The following PDCD11 variants were observed in gnomAD, a reference collection of about 807,000 sequenced individuals.
The protein encoded by PDCD11 is protein RRP5 homolog.
A neutral mutation model predicts 198.9 loss-of-function variants in PDCD11; 97 were observed. The ratio of observed to expected loss-of-function variants is 0.49; its 90% CI spans 0.41 to 0.58. The LOEUF (loss-of-function observed/expected upper bound fraction) is 0.58. Ranked by LOEUF, PDCD11 falls within the 20% of genes least tolerant of loss-of-function variation. The pLI is 0.00. For synonymous variants in PDCD11, 893 were observed against 918.0 expected (o/e 0.97, Z 0.49); for missense variants, 2,102 against 2,312.7 (o/e 0.91, Z 1.87).
intron 27 of PDCD11, 66 bp downstream of exon 27, chr10:103,438,874 C>T (rs1401522777): frequency 8.4e-6 from 13 of 1,556,164 alleles, no homozygotes; most frequent in Non-Finnish European, 1.1e-5. Context: ...CTCTGGGGTC[C>T]ACTGTGTTCC....
chr10:103,404,838 C>A (rs1215856077), intron 4 of PDCD11, among the ~76,000 whole-genome samples, 184 bp from the exon 5 acceptor site: 2 of 152,136 alleles, frequency 1.3e-5, no homozygotes, highest in East Asian at 3.8e-4. Context: ...AGGCCTTATG[C>A]TGAAATTCAA....
chr10:103,415,835 G>C (rs1374688657), intron 12 of PDCD11, among the ~76,000 whole-genome samples: 1 of 152,178 alleles, frequency 6.6e-6, no homozygotes, highest in Non-Finnish European at 1.5e-5. Context: ...TATGACAAAG[G>C]CTCGAATCCG....
In PDCD11 at chr10:103,425,445, C is replaced by T; in HGVS notation, c.3225C>T (p.Gly1075=). The part of the protein sequence containing the change: ...ASHILDDVPE[G]TSPTTKLKVG... ...ACATTCTAGATGATGTTCCAGAGGG[C>T]ACCTCTCCTACTACCAAGCTGAAGG... Residue 1075 remains glycine (G), a synonymous_variant, in exon 20 of 36, where the codon GGC becomes GGT. Coordinates refer to ENST00000369797, the MANE Select transcript of PDCD11 (RefSeq NM_014976.2). 1.2e-6 allele frequency: 2 copies of T among 1,613,958 alleles called. No homozygotes were observed. The highest frequency in any genetic ancestry group is 2.2e-5 in the East Asian group (1 of 44,844).
chr10:103,437,964 G>A (rs1354199358), intron 25 of PDCD11, 51 bp from the exon 26 acceptor site: 6 of 1,502,262 alleles, frequency 4.0e-6, no homozygotes, highest in Non-Finnish European at 4.6e-6. Flanking sequence ...ACCCTTTGCT[G>A]TTCACAGATG....
rs1389844419 is a variant in PDCD11, at chr10:103,441,995, A to G, written c.4707+20A>G. The G allele has an allele frequency of 2.5e-6, 4 of 1,613,252 alleles. 1 individual carries two copies. Among genetic ancestry groups the G allele is most frequent in the Middle Eastern group, 3.3e-4 (2 of 6,076 alleles). On this transcript the variant is annotated intron_variant, in intron 31 of 35. Coordinates refer to ENST00000369797, the MANE Select transcript of PDCD11 (RefSeq NM_014976.2). ...GCCACGGTGCTGTATTTTGCAGGGC[A>G]TGTCCTTTTTGCAGGGACCCCTTGG...
rs962969373 is a variant in PDCD11, at chr10:103,439,681, C to T, written c.4026-65C>T. ...TTGAGTCCCTGTGAGAGTGAAGTCC[C>T]GAGGCCTGGTTGGAATTCTGTTGTT... On this transcript the variant is annotated intron_variant, in intron 27 of 35. Transcript: ENST00000369797. 57 of 1,601,466 alleles carry T rather than the reference C, an allele frequency of 3.6e-5. No homozygotes were observed. In the African/African-American group the frequency reaches 4.4e-4, roughly 12 times the overall value.
At chr10:103,437,994 T>G in intron 25 of PDCD11, 21 bp from the exon 26 acceptor site, 1 of 1,609,484 alleles carries the variant, frequency 6.2e-7, no homozygotes, top group Non-Finnish European at 8.5e-7. Flanking sequence ...GAGCGTTTCC[T>G]TCTCTTTTGC....
In PDCD11 at chr10:103,423,157, C is replaced by G. The variant is rs559414912; in HGVS notation, c.2647+20C>G. 1 of 1,530,986 alleles carries G rather than the reference C, an allele frequency of 6.5e-7. No individual in the cohort carries two copies. The highest frequency in any genetic ancestry group is 1.4e-5 in the African/African-American group (1 of 71,952). 94.8% of individuals were successfully genotyped at this position (1,530,986 alleles called of 1,614,324 possible). ...GCGCAGGTGAGTGCTTCTGTCTTAC[C>G]CATTGTGGTTGGTGGGAGGACCCTT... On this transcript the variant is annotated intron_variant, in intron 18 of 35. Coordinates refer to ENST00000369797, the MANE Select transcript of PDCD11 (RefSeq NM_014976.2).
chr10:103,438,333 G>A (rs1427417852), intron 26 of PDCD11, among the ~76,000 whole-genome samples: 1 of 152,212 alleles, frequency 6.6e-6, no homozygotes, highest in Non-Finnish European at 1.5e-5. Context: ...CTGGTGAGGG[G>A]AGATGCTTTA....
At chr10:103,425,700 G>A (rs1289161562) in intron 20 of PDCD11, among the ~76,000 whole-genome samples, 175 bp downstream of exon 20, 2 of 151,278 alleles carry the variant, frequency 1.3e-5, no homozygotes, top group Non-Finnish European at 2.9e-5. Flanking sequence ...TTTTTTTTGA[G>A]ACGGAGTCTC....
chr10:103,427,353 A>AT lies in PDCD11; in HGVS notation c.3332dup (p.Val1112ArgfsTer13). The AT allele has an allele frequency of 6.2e-7, 1 of 1,613,482 alleles. No individual in the cohort carries two copies. The highest frequency in any genetic ancestry group is 8.5e-7 in the Non-Finnish European group (1 of 1,179,680). On this transcript the variant is annotated frameshift_variant, in exon 21 of 36. Transcript: ENST00000369797. LOFTEE classifies it high-confidence loss of function. ...GGTATCTCCCAATAAGTCACCCCAGATTCGTTCGAACCATCCCGGAGCTGA... is the reference window on the plus strand; with the variant it reads ...GGTATCTCCCAATAAGTCACCCCAGATTTCGTTCGAACCATCCCGGAGCTGA...
At position 103,421,489 on chromosome 10, in the gene PDCD11, T is replaced by C; in HGVS notation, c.2419T>C (p.Leu807=). The C allele has an allele frequency of 1.3e-6, 2 of 1,596,780 alleles. No individual in the cohort carries two copies. Among genetic ancestry groups the C allele is most frequent in the Non-Finnish European group, 1.7e-6 (2 of 1,171,538 alleles). Residue 807 remains leucine (L), a synonymous_variant, in exon 17 of 36, where the codon TTG becomes CTG. Coordinates refer to ENST00000369797, the MANE Select transcript of PDCD11 (RefSeq NM_014976.2). ...LRLSDCGLGD[L]AITSLLLLNQ... ...GCTGTCGGACTGTGGTCTGGGGGAC[T>C]TGGCTATCACCAGCCTCCTCCTCCT...
At chr10:103,419,456 C>T in intron 15 of PDCD11, 82 bp from the exon 16 acceptor site, 1 of 1,466,632 alleles carries the variant, frequency 6.8e-7, no homozygotes, top group South Asian at 1.3e-5. Context: ...GCAGTTCTGT[C>T]CTTCTCTGTG....
At chr10:103,440,232 C>T (rs1342965477) in intron 28 of PDCD11, 58 bp from the exon 29 acceptor site, 5 of 1,547,796 alleles carry the variant, frequency 3.2e-6, no homozygotes, top group African/African-American at 2.8e-5. Context: ...GCCTGGGCCG[C>T]CTGTGGTGCC....
rs760455815 is a variant in PDCD11 at position 103,428,293 on chromosome 10, G to A, written c.3368+902G>A. Among the ~76,000 whole-genome samples the A allele has an allele frequency of 1.2e-3, 172 of 141,346 alleles. 1 individual carries two copies. The highest frequency in any genetic ancestry group is 2.0e-3 in the Non-Finnish European group (134 of 66,274). The allele number at this position is 141,346 out of a possible 152,430, so 92.7% of individuals were successfully genotyped here. ...GTGCTTCAGCCTGGGCAACAAGAGC[G>A]AAAGCCGTCTCAAAAGAAAAAAAAA... On this transcript the variant is annotated intron_variant, in intron 21 of 35. Coordinates refer to ENST00000369797, the MANE Select transcript of PDCD11 (RefSeq NM_014976.2).
At position 103,443,900 on chromosome 10, in the gene PDCD11, C is replaced by G. The variant is rs751655411; in HGVS notation, c.5125-15C>G. ...GTATCACACTCTCCTCAGCGTGCCT[C>G]GTCTTTTCCCACAGGAAGCTGGTGA... On this transcript the variant is annotated splice_polypyrimidine_tract_variant and intron_variant, in intron 33 of 35. Transcript: ENST00000369797. 6.2e-7 allele frequency: 1 copy of G among 1,613,378 alleles called. No homozygotes were observed. Among genetic ancestry groups the G allele is most frequent in the East Asian group, 2.2e-5 (1 of 44,862 alleles).
At chr10:103,426,103 C>T (rs573030515) in intron 20 of PDCD11, among the ~76,000 whole-genome samples, 3 of 152,218 alleles carry the variant, frequency 2.0e-5, no homozygotes, top group Non-Finnish European at 2.9e-5. Context: ...TAATTTGTAA[C>T]GTGAGAGTCA....
chr10:103,414,978 G>T (rs755002809), intron 11 of PDCD11, 27 bp from the exon 12 acceptor site: 19 of 1,612,590 alleles, frequency 1.2e-5, no homozygotes, highest in Non-Finnish European at 1.6e-5. Flanking sequence ...TTGAGACATT[G>T]TGGCAGCTTA....
At chr10:103,403,585 A>C (rs982276528) in intron 4 of PDCD11, among the ~76,000 whole-genome samples, 1 of 152,152 alleles carries the variant, frequency 6.6e-6, no homozygotes, top group Non-Finnish European at 1.5e-5. Context: ...AGAGAGTGTG[A>C]TGTGAGATGG....
Sources: gnomAD v4.1 joint callset for allele counts (sites outside exome capture counted in the v4.1 genomes callset) on GRCh38, gnomAD v4.1.1 for gene constraint, MANE v1.5 for transcripts, NCBI Gene and HGNC (gene_info 2026-07-23, HGNC 2026-07-21) for gene names.